Variants in PIEZO1 observed in about 807,000 individuals in gnomAD.
The protein encoded by PIEZO1 is piezo type mechanosensitive ion channel component 1 (Er blood group), also known as piezo-type mechanosensitive ion channel component 1.
PIEZO1 carries 296 observed loss-of-function variants against 297.2 expected under a neutral mutation model. The ratio of observed to expected loss-of-function variants is 1.00; its 90% CI spans 0.91 to 1.10. The LOEUF (loss-of-function observed/expected upper bound fraction) is 1.10, where lower values mean the gene tolerates loss of function less well. Among genes scored for constraint, PIEZO1 ranks in the 50% least tolerant of loss-of-function variants. The pLI, the probability that PIEZO1 is intolerant of heterozygous loss-of-function variation, is 0.00. For missense variants in PIEZO1, 5,018 were observed against 3,455.5 expected (o/e 1.45, Z -11.34); for synonymous variants, 2,427 against 1,507.5 (o/e 1.61, Z -14.13).
chr16:88,721,229 T>G lies in PIEZO1; in HGVS notation c.5605A>C (p.Ile1869Leu). Reference sequence around the variant, plus strand: ...TTCCTTCTTCTAAAACGTAGACTGATGCGCCTCGTATCACGGGGCCTGAGC... The same window carrying G: ...TTCCTTCTTCTAAAACGTAGACTGAGGCGCCTCGTATCACGGGGCCTGAGC... ...VELRPRDTRRISLRFRRRKKE... is the reference protein window; with the variant it reads ...VELRPRDTRRLSLRFRRRKKE... Residue 1869 changes from isoleucine (I) to leucine (L), a missense_variant, in exon 39 of 51, where the codon ATC becomes CTC. Ile to Leu is a conservative substitution (Grantham distance 5). Transcript: ENST00000301015. 6.5e-7 allele frequency: 1 copy of G among 1,539,566 alleles called. No homozygotes were observed.
rs562120067 is a variant in PIEZO1 at position 88,741,280 on chromosome 16, G to A, written c.465+198C>T. The A allele has an allele frequency of 6.3e-4, 336 of 536,588 alleles. 2 individuals carry two copies. Among genetic ancestry groups the A allele is most frequent in the South Asian group, 1.6e-3 (65 of 40,696 alleles). The allele number at this position is 536,588 out of a possible 1,614,324, so 33.2% of individuals were successfully genotyped here. A position where few individuals can be genotyped will look rare whatever the true frequency, so the allele number is the denominator to read the frequency against. On this transcript the variant is annotated intron_variant, in intron 5 of 50. Coordinates refer to ENST00000301015, the MANE Select transcript of PIEZO1 (RefSeq NM_001142864.4). ...AGGTTTCTGACTAGAGGCAGAGCCCGAGTAGAAACAGGTCTGAACGGATGG... is the reference window on the plus strand; with the variant it reads ...AGGTTTCTGACTAGAGGCAGAGCCCAAGTAGAAACAGGTCTGAACGGATGG...
chr16:88,736,463 C>T (rs1382348274), intron 11 of PIEZO1, 55 bp from the exon 12 acceptor site: 1 of 1,262,626 alleles, frequency 7.9e-7, no homozygotes, highest in African/African-American at 1.6e-5. Flanking sequence ...CAGGCGATGC[C>T]CCACACCTGC....
intron 16 of PIEZO1, 81 bp downstream of exon 16, chr16:88,734,275 C>T: frequency 7.6e-7 from 1 of 1,323,946 alleles, no homozygotes; most frequent in Non-Finnish European, 1.0e-6. Flanking sequence ...GATGTGGCTC[C>T]TGTCCAACTC....
chr16:88,749,341 C>A, intron 2 of PIEZO1, 43 bp downstream of exon 2: 1 of 1,309,232 alleles, frequency 7.6e-7, no homozygotes, highest in Non-Finnish European at 1.0e-6. Context: ...GAATGCCCAC[C>A]CCCTCCCACC....
chr16:88,716,055 G>T lies in PIEZO1; in HGVS notation c.7194C>A (p.Thr2398=). Residue 2398 remains threonine (T), a synonymous_variant, in exon 50 of 51, where the codon ACC becomes ACA. Coordinates refer to ENST00000301015, the MANE Select transcript of PIEZO1 (RefSeq NM_001142864.4). ...CGATGACCCACCATTCGAGGAAGCC[G>T]GTGGCCCCCGCACCCTGCTCCCTCC... ...QLRREQGAGA[T]GFLEWWVIEL... is the part of the protein sequence containing the mutation. The T allele has an allele frequency of 1.3e-6, 2 of 1,550,220 alleles. No homozygotes were observed. Among genetic ancestry groups the T allele is most frequent in the Non-Finnish European group, 1.7e-6 (2 of 1,146,892 alleles).
intron 19 of PIEZO1, 93 bp downstream of exon 19, chr16:88,733,185 C>G (rs1904984245): frequency 8.4e-7 from 1 of 1,191,890 alleles, no homozygotes; most frequent in African/African-American, 1.5e-5. Flanking sequence ...ATTGCTGGCC[C>G]CACTGCACTG....
chr16:88,752,563 C>T (rs892610293), intron 1 of PIEZO1, among the ~76,000 whole-genome samples: 11 of 152,084 alleles, frequency 7.2e-5, no homozygotes, highest in Non-Finnish European at 1.5e-4. Flanking sequence ...CTCAGAAGCC[C>T]GAGCCTGAGG....
intron 10 of PIEZO1, 97 bp downstream of exon 10, chr16:88,737,462 G>T: frequency 2.5e-6 from 2 of 800,590 alleles, no homozygotes; most frequent in Non-Finnish European, 3.9e-6. Flanking sequence ...GAGGTGCGGC[G>T]CGAGCATGCG....
intron 2 of PIEZO1, chr16:88,743,285 G>A: frequency 2.2e-6 from 1 of 456,440 alleles, no homozygotes; most frequent in Non-Finnish European, 4.4e-6. Context: ...CCTTCAGCAG[G>A]GGTCCGGACC....
Position 88,741,472 on chromosome 16 carries a change from C to T in PIEZO1, c.465+6G>A, listed in dbSNP as rs1344102597. On this transcript the variant is annotated splice_donor_region_variant and intron_variant, in intron 5 of 50. Coordinates refer to ENST00000301015, the MANE Select transcript of PIEZO1 (RefSeq NM_001142864.4). ...CCTGACACACGGGTGACGCAGCTGC[C>T]CTCACCAGCTCCCGTGGATGTGGGC... 3.3e-6 allele frequency: 5 copies of T among 1,533,502 alleles called. No individual in the cohort carries two copies. The highest frequency in any genetic ancestry group is 4.4e-6 in the Non-Finnish European group (5 of 1,145,502). The allele number at this position is 1,533,502 out of a possible 1,614,324, so 95.0% of individuals were successfully genotyped here. A position where few individuals can be genotyped will look rare whatever the true frequency, so the allele number is the denominator to read the frequency against.
intron 1 of PIEZO1, among the ~76,000 whole-genome samples, chr16:88,762,539 G>A (rs1191876823): frequency 6.6e-6 from 1 of 152,218 alleles, no homozygotes; most frequent in Non-Finnish European, 1.5e-5. Flanking sequence ...CAGCCAAGCG[G>A]CCAACCCTGA....
At chr16:88,777,538 C>T (rs867247913) in intron 1 of PIEZO1, among the ~76,000 whole-genome samples, 1 of 152,186 alleles carries the variant, frequency 6.6e-6, no homozygotes, top group Admixed American at 6.5e-5. Context: ...GTCACTGGCC[C>T]GCAGACAGGA....
At chr16:88,728,196 G>A (rs934344351) in intron 22 of PIEZO1, among the ~76,000 whole-genome samples, 61 of 152,362 alleles carry the variant, frequency 4.0e-4, no homozygotes, top group African/African-American at 1.4e-3. Context: ...ATAGGACCAC[G>A]TGCTGGGGAT....
chr16:88,743,541 CCT>C (rs1446373536), intron 2 of PIEZO1: 9 of 456,492 alleles, frequency 2.0e-5, no homozygotes, highest in African/African-American at 1.2e-4. Flanking sequence ...CCACATCTGC[CCT>C]CTCTCGGCCT....
chr16:88,732,663 C>G lies in PIEZO1; in HGVS notation c.2734G>C (p.Asp912His). ...CGCACCCCAAACCAGTTGGCAGGGTCCACGGGCCCCCGGTACAGCAGGGAC... is the reference window on the plus strand; with the variant it reads ...CGCACCCCAAACCAGTTGGCAGGGTGCACGGGCCCCCGGTACAGCAGGGAC... ...SQSLLYRGPV[D>H]PANWFGVRKG... The change falls in exon 20 of 51, where the codon GAC (aspartate) becomes CAC (histidine). Residue 912 changes from aspartate to histidine, a missense_variant. By Grantham distance (81) the Asp-to-His change is moderately conservative (BLOSUM62 -1). Transcript: ENST00000301015. 3 of 1,549,718 alleles carry G rather than the reference C, an allele frequency of 1.9e-6. No homozygotes were observed. The highest frequency in any genetic ancestry group is 2.0e-5 in the Admixed American group (1 of 50,978).
intron 44 of PIEZO1, 196 bp downstream of exon 44, chr16:88,719,378 G>C (rs1013088892): frequency 1.7e-6 from 1 of 593,856 alleles, no homozygotes; most frequent in Non-Finnish European, 3.0e-6. Flanking sequence ...CCACTTCTGC[G>C]CCCAGCACTC....
In PIEZO1 at chr16:88,732,343, C is replaced by G. The variant is rs1308062300; in HGVS notation, c.2983G>C (p.Gly995Arg). 5 of 1,549,308 alleles carry G rather than the reference C, an allele frequency of 3.2e-6. No homozygotes were observed. Among genetic ancestry groups the G allele is most frequent in the African/African-American group, 1.4e-5 (1 of 73,122 alleles). ...YFINFFFYKFGLEICFLMAVN... is the reference protein window; with the variant it reads ...YFINFFFYKFRLEICFLMAVN... Reference sequence around the variant, plus strand: ...CAATGTCCTTGCCTCACCTCCAGCCCGAATTTGTAGAAGAAGAAGTTGATG... The same window carrying G: ...CAATGTCCTTGCCTCACCTCCAGCCGGAATTTGTAGAAGAAGAAGTTGATG... The change falls in exon 21 of 51, where the codon GGG becomes CGG. Residue 995 changes from glycine (G) to arginine (R), a missense_variant. Transcript: ENST00000301015.
chr16:88,722,761 G>A (rs559945296), intron 34 of PIEZO1, 72 bp from the exon 35 acceptor site: 28 of 1,525,398 alleles, frequency 1.8e-5, no homozygotes, highest in African/African-American at 1.1e-4. Flanking sequence ...TGCAGTGGGC[G>A]CGGGACTAGG....
chr16:88,722,520 A>T (rs1345136201), intron 35 of PIEZO1, 63 bp downstream of exon 35: 42 of 1,436,064 alleles, frequency 2.9e-5, no homozygotes, highest in Non-Finnish European at 3.8e-5. Flanking sequence ...AGGGTCGGGG[A>T]TGGCTAGGCG....
Sources: gnomAD v4.1 joint callset for allele counts (sites outside exome capture counted in the v4.1 genomes callset) on GRCh38, gnomAD v4.1.1 for gene constraint, MANE v1.5 for transcripts, NCBI Gene and HGNC (gene_info 2026-07-23, HGNC 2026-07-21) for gene names.